Variants in SAAL1 observed in about 807,000 individuals in gnomAD.
SAAL1 encodes the protein serum amyloid A like 1.
Under a neutral mutation model 59.8 loss-of-function variants are expected in SAAL1, and 42 were observed. That is an observed-to-expected ratio of 0.70 (90% confidence interval 0.55 to 0.91). The LOEUF (loss-of-function observed/expected upper bound fraction) is 0.91, where lower values mean the gene tolerates loss of function less well. SAAL1 is among the 40% of genes least tolerant of loss of function. The probability of loss-of-function intolerance (pLI) is 0.00; values close to 1 mark genes in which losing one functional copy is unlikely to be tolerated. For synonymous variants in SAAL1, 191 were observed against 194.3 expected, an observed-to-expected ratio of 0.98 and a Z score of 0.14; for missense variants, 542 against 561.1, an observed-to-expected ratio of 0.97 and a Z score of 0.34.
rs1848466005 is a variant in SAAL1, at chr11:18,086,576, C to T, written c.1042+290G>A. Among the ~76,000 whole-genome samples the T allele has an allele frequency of 1.3e-5, 2 of 152,072 alleles. 1 individual carries two copies. Among genetic ancestry groups the T allele is most frequent in the South Asian group, 4.2e-4 (2 of 4,816 alleles). ...ATTAGCTGGGCATAGTGGTGTGCGCCTGTAATCCCAGGTACTTGGGAGGCT... is the reference window on the plus strand; with the variant it reads ...ATTAGCTGGGCATAGTGGTGTGCGCTTGTAATCCCAGGTACTTGGGAGGCT... On this transcript the variant is annotated intron_variant, in intron 9 of 11. Transcript: ENST00000524803.
intron 10 of SAAL1, among the ~76,000 whole-genome samples, chr11:18,082,330 A>G (rs557720242): frequency 2.4e-4 from 36 of 152,360 alleles, no homozygotes; most frequent in African/African-American, 8.4e-4. Context: ...AAATATTTCA[A>G]TCTCATTAAT....
At chr11:18,097,617 CG>C (rs1848591052) in intron 2 of SAAL1, among the ~76,000 whole-genome samples, 1 of 151,852 alleles carries the variant, frequency 6.6e-6, no homozygotes, top group African/African-American at 2.4e-5. Context: ...GTTAGAAGGC[CG>C]AGGTGGGTGG....
intron 9 of SAAL1, among the ~76,000 whole-genome samples, chr11:18,084,917 CA>C (rs1287925999): frequency 1.3e-5 from 2 of 152,110 alleles, no homozygotes; most frequent in Non-Finnish European, 2.9e-5. Flanking sequence ...AGGCATGCGT[CA>C]CCAAGCCTGG....
intron 5 of SAAL1, 53 bp downstream of exon 5, chr11:18,090,381 T>G: frequency 6.4e-7 from 1 of 1,570,854 alleles, no homozygotes; most frequent in South Asian, 1.2e-5. Flanking sequence ...AACTTTTTTT[T>G]CTTATCTACT....
chr11:18,098,648 C>A (rs1238177332), intron 2 of SAAL1, among the ~76,000 whole-genome samples: 1 of 152,204 alleles, frequency 6.6e-6, no homozygotes, highest in Non-Finnish European at 1.5e-5. Flanking sequence ...ACCTGCCAGA[C>A]AACTGACTGA....
chr11:18,085,077 A>G (rs752859365), intron 9 of SAAL1, among the ~76,000 whole-genome samples: 3 of 152,136 alleles, frequency 2.0e-5, no homozygotes, highest in Non-Finnish European at 4.4e-5. Flanking sequence ...TAAAACATAT[A>G]TCTTATACCC....
intron 10 of SAAL1, 44 bp from the exon 11 acceptor site, chr11:18,081,547 C>G (rs1848409883): frequency 4.2e-6 from 6 of 1,419,252 alleles, no homozygotes; most frequent in Non-Finnish European, 6.0e-6. Context: ...GAAAATTTTT[C>G]AAGCTTTAAC....
intron 9 of SAAL1, among the ~76,000 whole-genome samples, chr11:18,085,331 C>T (rs1404074369): frequency 6.6e-6 from 1 of 152,156 alleles, no homozygotes; most frequent in African/African-American, 2.4e-5. Context: ...GGTAAGGTTA[C>T]AGGATACAAA....
chr11:18,094,747 T>C (rs929713826), intron 3 of SAAL1, among the ~76,000 whole-genome samples: 10 of 152,160 alleles, frequency 6.6e-5, no homozygotes, highest in South Asian at 2.1e-4. Flanking sequence ...ACAGGAGCTA[T>C]AGAAATGGAA....
intron 4 of SAAL1, among the ~76,000 whole-genome samples, chr11:18,091,711 G>C (rs1848525301): frequency 1.3e-5 from 2 of 152,120 alleles, no homozygotes; most frequent in Non-Finnish European, 2.9e-5. Flanking sequence ...TAACCACTGG[G>C]GTTTCCTCCA....
chr11:18,080,821 G>A (rs535495348), intron 11 of SAAL1, among the ~76,000 whole-genome samples: 1 of 152,246 alleles, frequency 6.6e-6, no homozygotes, highest in African/African-American at 2.4e-5. Flanking sequence ...GTCATTTGAA[G>A]AACCATAAAA....
At chr11:18,102,896 G>A (rs1319824929) in intron 2 of SAAL1, among the ~76,000 whole-genome samples, 1 of 152,056 alleles carries the variant, frequency 6.6e-6, no homozygotes, top group African/African-American at 2.4e-5. Flanking sequence ...TGGTATATCA[G>A]TGGTCTTCTA....
intron 3 of SAAL1, among the ~76,000 whole-genome samples, chr11:18,093,209 C>T (rs947984503): frequency 1.3e-5 from 2 of 151,980 alleles, no homozygotes; most frequent in African/African-American, 4.8e-5. Context: ...AATAATGACC[C>T]CAAAGCACAA....
chr11:18,082,155 A>C (rs56001925), intron 10 of SAAL1, among the ~76,000 whole-genome samples: 62,848 of 151,944 alleles, frequency 0.41, 13,622 homozygotes, highest in African/African-American at 0.51. Context: ...AAAGTTAAGA[A>C]ATATCGATGT....
At position 18,090,470 on chromosome 11, in the gene SAAL1, T is replaced by G. The variant is rs755993430; in HGVS notation, c.437A>C (p.Tyr146Ser). Reference sequence around the variant, plus strand: ...CAGCAGAGTAGGTGGGTCTGAATCATACAAACAGTGCAATAACACCTGCCT... The same window carrying G: ...CAGCAGAGTAGGTGGGTCTGAATCAGACAAACAGTGCAATAACACCTGCCT... ...NLGQVLLHCL[Y>S]DSDPPTLLET... The change falls in exon 5 of 12, where the codon TAT becomes TCT. Residue 146 changes from tyrosine (Y) to serine (S), a missense_variant. By Grantham distance (144) the Tyr-to-Ser change is moderately radical. Coordinates refer to ENST00000524803, the MANE Select transcript of SAAL1 (RefSeq NM_138421.3). 1 of 1,609,070 alleles carries G rather than the reference T, an allele frequency of 6.2e-7. No individual in the cohort carries two copies. The highest frequency in any genetic ancestry group is 1.3e-5 in the African/African-American group (1 of 74,530).
At chr11:18,104,622 G>C (rs1198685160) in intron 1 of SAAL1, among the ~76,000 whole-genome samples, 3 of 152,100 alleles carry the variant, frequency 2.0e-5, no homozygotes, top group East Asian at 1.9e-4. Context: ...TGATATTTAA[G>C]CTAAATTTTA....
chr11:18,089,564 G>C, intron 6 of SAAL1, 54 bp from the exon 7 acceptor site: 2 of 1,512,458 alleles, frequency 1.3e-6, no homozygotes, highest in South Asian at 1.3e-5. Context: ...AAAAGCAATA[G>C]GGTTAAGCAA....
At chr11:18,098,068 A>T (rs970432487) in intron 2 of SAAL1, among the ~76,000 whole-genome samples, 3 of 152,032 alleles carry the variant, frequency 2.0e-5, no homozygotes, top group Non-Finnish European at 4.4e-5. Flanking sequence ...GATTGCTTGA[A>T]CCCGTGAGGC....
chr11:18,089,337 G>A lies in SAAL1; in HGVS notation c.763C>T (p.Gln255Ter), dbSNP rs1221298041. The change falls in exon 7 of 12, where the codon CAA becomes TAA. Residue 255 changes from glutamine to a stop codon, truncating the protein, a stop_gained. Transcript: ENST00000524803. LOFTEE classifies it high-confidence loss of function. Reference protein sequence around the residue: ...LVPCILEAAKQVRSENPEWLD... With the variant: ...LVPCILEAAK ...ACAAAAGAGCTCACCTACCGTACTT[G>A]TTTGGCAGCTTCAAGTATACAGGGC... The A allele has an allele frequency of 6.5e-7, 1 of 1,548,770 alleles. No individual in the cohort carries two copies. The highest frequency in any genetic ancestry group is 1.4e-5 in the African/African-American group (1 of 71,148).
Sources: gnomAD v4.1 joint callset for allele counts (sites outside exome capture counted in the v4.1 genomes callset) on GRCh38, gnomAD v4.1.1 for gene constraint, MANE v1.5 for transcripts, NCBI Gene and HGNC (gene_info 2026-07-23, HGNC 2026-07-21) for gene names.